Variants in MIAT observed in about 807,000 individuals in gnomAD.
The protein encoded by MIAT is MI related novel mRNA.
chr22:26,652,871 C>T (rs897769716), intron 2 of MIAT, among the ~76,000 whole-genome samples: 5 of 152,126 alleles, frequency 3.3e-5, no homozygotes, highest in South Asian at 2.1e-4. Context: ...GGAATACTGA[C>T]GTGTCTCTTT....
intron 2 of MIAT, among the ~76,000 whole-genome samples, chr22:26,654,724 T>G (rs1467586924): frequency 1.3e-5 from 2 of 151,972 alleles, no homozygotes; most frequent in African/African-American, 4.8e-5. Context: ...ATTTTTAAAT[T>G]TTTTTTGAGA....
At chr22:26,676,178 T>C (rs1931257292) in exon 5 of MIAT, 2 of 384,366 alleles carry the variant, frequency 5.2e-6, no homozygotes, top group South Asian at 2.8e-4. Flanking sequence ...TGGTGACATG[T>C]TGAGCTGGGG....
chr22:26,652,719 G>C (rs1356344177), intron 2 of MIAT, among the ~76,000 whole-genome samples: 2 of 152,066 alleles, frequency 1.3e-5, no homozygotes, highest in African/African-American at 4.8e-5. Context: ...GGGAACCCTG[G>C]CCTCCAGAGC....
chr22:26,666,950 G>A (rs1602367469), intron 4 of MIAT: 2 of 399,180 alleles, frequency 5.0e-6, no homozygotes, highest in Non-Finnish European at 8.8e-6. Flanking sequence ...AAGCCTGAGA[G>A]GGATGTGGGG....
At chr22:26,654,044 C>T (rs1930382321) in intron 2 of MIAT, among the ~76,000 whole-genome samples, 2 of 152,114 alleles carry the variant, frequency 1.3e-5, no homozygotes, top group Admixed American at 1.3e-4. Context: ...TGAGCCTCTT[C>T]CACTTGACTT....
In MIAT at chr22:26,651,071, G is replaced by A. The variant is rs751181544; in HGVS notation, n.646+3760G>A. ...TGCATCTGATGGTGATTACAGGGCCGGGGAGGGGGTGGCAGGGAAATAATT... is the reference window on the plus strand; with the variant it reads ...TGCATCTGATGGTGATTACAGGGCCAGGGAGGGGGTGGCAGGGAAATAATT... On this transcript the variant is annotated intron_variant and non_coding_transcript_variant, in intron 2 of 5. Transcript: ENST00000643270. Among the ~76,000 whole-genome samples the A allele has an allele frequency of 7.2e-5, 11 of 152,062 alleles. No homozygotes were observed. The South Asian group carries it at 1.5e-3, about 20-fold the overall frequency.
At chr22:26,669,832 G>A (rs995668220), downstream of MIAT, 21 of 398,744 alleles carry the variant, frequency 5.3e-5, no homozygotes, top group Admixed American at 8.8e-5. Context: ...GCAGGGAGGC[G>A]GAGGCCCTGG....
exon 5 of MIAT, chr22:26,675,662 T>G (rs1931235646): frequency 2.5e-6 from 1 of 398,650 alleles, no homozygotes; most frequent in Admixed American, 4.4e-5. Flanking sequence ...GGGAGCAATC[T>G]TGAAAACATG....
chr22:26,675,996 AT>A (rs1391810692), exon 5 of MIAT: 5 of 398,566 alleles, frequency 1.3e-5, no homozygotes, highest in Non-Finnish European at 2.2e-5. Context: ...AAGCAGGCAC[AT>A]TCTCTTCGAC....
intron 2 of MIAT, among the ~76,000 whole-genome samples, chr22:26,662,353 C>T (rs1930706797): frequency 1.3e-5 from 2 of 152,152 alleles, no homozygotes; most frequent in African/African-American, 4.8e-5. Context: ...TCAGTTTCCT[C>T]ATCTGTAAAG....
downstream of MIAT, chr22:26,671,572 A>C: frequency 2.5e-6 from 1 of 398,736 alleles, no homozygotes; most frequent in Non-Finnish European, 4.4e-6. Context: ...GGGCCTTTCA[A>C]GGGGCTGGGA....
exon 5 of MIAT, chr22:26,676,151 G>C (rs1221895409): frequency 1.8e-5 from 7 of 395,764 alleles, no homozygotes; most frequent in Non-Finnish European, 3.1e-5. Flanking sequence ...CCAATGTGAG[G>C]GCTGTGCTGG....
chr22:26,662,435 A>G (rs1350384961), intron 2 of MIAT, among the ~76,000 whole-genome samples: 1 of 152,144 alleles, frequency 6.6e-6, no homozygotes, highest in Non-Finnish European at 1.5e-5. Flanking sequence ...GTTCTTAATA[A>G]GTGTTAGTTT....
intron 2 of MIAT, among the ~76,000 whole-genome samples, chr22:26,658,822 G>C (rs1930553668): frequency 6.6e-6 from 1 of 152,200 alleles, no homozygotes; most frequent in Admixed American, 6.5e-5. Flanking sequence ...GAGAACTTGA[G>C]GGAACGGCTT....
rs538659753 is a variant in MIAT, at chr22:26,654,959, G to A, written n.646+7648G>A. Among the ~76,000 whole-genome samples the A allele has an allele frequency of 4.7e-4, 72 of 152,196 alleles. 1 individual carries two copies. The South Asian group carries it at 0.011, about 23-fold the overall frequency. On this transcript the variant is annotated intron_variant and non_coding_transcript_variant, in intron 2 of 5. Transcript: ENST00000643270. Reference sequence around the variant, plus strand: ...GATCTCCTGACCTCATGATCCGCCCGCCTCGGCCTCCCAAAGTGCTGGGAT... The same window carrying A: ...GATCTCCTGACCTCATGATCCGCCCACCTCGGCCTCCCAAAGTGCTGGGAT...
chr22:26,647,210 A>C, exon 2 of MIAT: 2 of 398,538 alleles, frequency 5.0e-6, no homozygotes, highest in Non-Finnish European at 8.8e-6. Flanking sequence ...GCAGCATTGG[A>C]AGCTTCAAGA....
intron 2 of MIAT, among the ~76,000 whole-genome samples, chr22:26,655,095 A>G (rs1442164671): frequency 6.6e-6 from 1 of 152,206 alleles, no homozygotes; most frequent in African/African-American, 2.4e-5. Context: ...TGCTGTGACC[A>G]CACACTGCCT....
intron 2 of MIAT, among the ~76,000 whole-genome samples, chr22:26,648,918 C>T (rs929713962): frequency 6.1e-5 from 8 of 130,668 alleles, no homozygotes; most frequent in Non-Finnish European, 9.5e-5. Context: ...AGGGAGAGAG[C>T]GAGAGAGCGA....
chr22:26,665,075 A>C (rs1437134111), intron 3 of MIAT, among the ~76,000 whole-genome samples: 1 of 151,726 alleles, frequency 6.6e-6, no homozygotes, highest in Non-Finnish European at 1.5e-5. Flanking sequence ...CGTCTCTACT[A>C]CTAAAAAAAA....
Sources: allele counts gnomAD v4.1 joint callset (sites outside exome capture counted in the v4.1 genomes callset), GRCh38; gene constraint gnomAD v4.1.1; transcripts MANE v1.5; gene names NCBI Gene and HGNC (gene_info 2026-07-23, HGNC 2026-07-21).